Variants in CADPS observed in about 807,000 individuals in gnomAD.
The protein encoded by CADPS is calcium dependent secretion activator, also known as calcium-dependent secretion activator 1.
A neutral mutation model predicts 167.3 loss-of-function variants in CADPS; 57 were observed. The observed-to-expected ratio is 0.34, with a 90% CI of 0.28 to 0.42. CADPS has a LOEUF of 0.42. Among genes scored for constraint, CADPS ranks in the 20% least tolerant of loss-of-function variants. The pLI is 1.00. For synonymous variants in CADPS, 676 were observed against 635.3 expected (o/e 1.06, Z -0.96); for missense variants, 1,414 against 1,738.1 (o/e 0.81, Z 3.32).
intron 3 of CADPS, among the ~76,000 whole-genome samples, chr3:62,733,155 A>G (rs2078260195): frequency 2.0e-5 from 3 of 152,140 alleles, no homozygotes; most frequent in Admixed American, 2.0e-4. Context: ...CTCTAACCTA[A>G]CTCATTACTC....
chr3:62,563,259 A>G (rs2079507436), intron 9 of CADPS, among the ~76,000 whole-genome samples: 2 of 152,192 alleles, frequency 1.3e-5, no homozygotes, highest in South Asian at 4.1e-4. Flanking sequence ...GCAAAAACAA[A>G]CATTTGGAGT....
At chr3:62,691,063 A>C (rs1467751884) in intron 3 of CADPS, among the ~76,000 whole-genome samples, 1 of 152,034 alleles carries the variant, frequency 6.6e-6, no homozygotes. Context: ...TGAGTGAGGA[A>C]AGCCAATCTG....
chr3:62,652,475 T>C (rs962117198), intron 4 of CADPS, among the ~76,000 whole-genome samples: 1 of 151,878 alleles, frequency 6.6e-6, no homozygotes, highest in African/African-American at 2.4e-5. Context: ...ACTAATTTTA[T>C]TAGTGCCCTG....
Position 62,651,063 on chromosome 3 carries a change from C to G in CADPS, c.987G>C (p.Lys329Asn). ...DQIARERKFP[K>N]FVSKEMENMY... is the part of the protein sequence containing the mutation. ...TGTTTTCCATTTCTTTGGATACAAA[C>G]TTGGGAAATTTGCGTTCCTTGGGAA... is the stretch of plus-strand genomic sequence containing the variant. The change falls in exon 5 of 30, where the codon AAG becomes AAC. Residue 329 changes from lysine to asparagine, a missense_variant. Physicochemically the swap from Lys to Asn is moderately conservative, Grantham distance 94. This residue lies in a region of CADPS where 522 missense variants were observed against 559.5 expected (regional missense o/e 0.93). Coordinates refer to ENST00000383710, the MANE Select transcript of CADPS (RefSeq NM_003716.4). 1 of 1,613,370 alleles carries G rather than the reference C, an allele frequency of 6.2e-7. No individual in the cohort carries two copies. Among genetic ancestry groups the G allele is most frequent in the East Asian group, 2.2e-5 (1 of 44,858 alleles).
chr3:62,479,423 C>T (rs2061699822), intron 22 of CADPS, among the ~76,000 whole-genome samples: 1 of 152,254 alleles, frequency 6.6e-6, no homozygotes, highest in African/African-American at 2.4e-5. Context: ...ATGTCCAACA[C>T]ACCATGCATT....
At chr3:62,542,880 A>T (rs568391596) in intron 11 of CADPS, among the ~76,000 whole-genome samples, 1 of 152,328 alleles carries the variant, frequency 6.6e-6, no homozygotes, top group African/African-American at 2.4e-5. Context: ...AAATGATTTT[A>T]GTTTTCTCCT....
chr3:62,727,528 C>A (rs1385091775), intron 3 of CADPS, among the ~76,000 whole-genome samples: 1 of 151,850 alleles, frequency 6.6e-6, no homozygotes, highest in African/African-American at 2.4e-5. Context: ...AAATGGGTAG[C>A]CTCTTCAACA....
intron 3 of CADPS, among the ~76,000 whole-genome samples, chr3:62,664,822 C>G (rs1299087342): frequency 6.6e-6 from 1 of 152,180 alleles, no homozygotes; most frequent in Non-Finnish European, 1.5e-5. Context: ...TTGGGTTCTC[C>G]CACTGGCTTC....
At chr3:62,730,107 T>G (rs1033943426) in intron 3 of CADPS, among the ~76,000 whole-genome samples, 3 of 149,800 alleles carry the variant, frequency 2.0e-5, no homozygotes, top group African/African-American at 7.7e-5. Flanking sequence ...ATCCGTGAAG[T>G]AGAGTCCTTC....
intron 1 of CADPS, among the ~76,000 whole-genome samples, chr3:62,787,796 A>G (rs1024623617): frequency 3.3e-5 from 5 of 152,228 alleles, no homozygotes; most frequent in African/African-American, 1.2e-4. Context: ...TAGTAACTGC[A>G]TGACTATTAT....
chr3:62,755,374 T>C (rs1024733300), intron 2 of CADPS, among the ~76,000 whole-genome samples: 13 of 152,170 alleles, frequency 8.5e-5, no homozygotes, highest in Non-Finnish European at 1.5e-4. Flanking sequence ...TGGGGTGTAA[T>C]ACAAGGCAGT....
At chr3:62,806,159 G>T (rs542972292) in intron 1 of CADPS, among the ~76,000 whole-genome samples, 26 of 152,296 alleles carry the variant, frequency 1.7e-4, no homozygotes, top group African/African-American at 5.8e-4. Flanking sequence ...AATAAAGGAT[G>T]AGAGCCTAAC....
chr3:62,501,887 G>A (rs2065829873), intron 17 of CADPS, among the ~76,000 whole-genome samples: 1 of 152,192 alleles, frequency 6.6e-6, no homozygotes, highest in Admixed American at 6.5e-5. Context: ...TGTGCATGCA[G>A]CCATTCTATG....
intron 6 of CADPS, among the ~76,000 whole-genome samples, chr3:62,611,037 G>T (rs2061434204): frequency 6.6e-6 from 1 of 152,058 alleles, no homozygotes; most frequent in African/African-American, 2.4e-5. Context: ...ATCCTACAGG[G>T]CAGTCCCCAC....
intron 2 of CADPS, among the ~76,000 whole-genome samples, chr3:62,756,925 G>T (rs2084067246): frequency 1.3e-5 from 2 of 152,112 alleles, no homozygotes; most frequent in South Asian, 4.2e-4. Context: ...GAGGAGGAGG[G>T]GATTAGGGTT....
intron 1 of CADPS, among the ~76,000 whole-genome samples, chr3:62,774,079 C>A (rs714387): frequency 6.6e-6 from 1 of 151,788 alleles, no homozygotes; most frequent in South Asian, 2.1e-4. Flanking sequence ...AATTATCTAG[C>A]AGAAGAGGAA....
In CADPS at chr3:62,701,562, T is replaced by C. The variant is rs529267483; in HGVS notation, c.889-39168A>G. On this transcript the variant is annotated intron_variant, in intron 3 of 29. Transcript: ENST00000383710. Reference sequence around the variant, plus strand: ...AGGCAGAGGTTGCAGTGAGCCGAGATTGCACAACTGCACTCCAGCCTGGTG... The same window carrying C: ...AGGCAGAGGTTGCAGTGAGCCGAGACTGCACAACTGCACTCCAGCCTGGTG... Among the ~76,000 whole-genome samples, 313 of 146,796 alleles carry C rather than the reference T, an allele frequency of 2.1e-3. 2 individuals are homozygous for C. The highest frequency in any genetic ancestry group is 3.7e-3 in the Non-Finnish European group (247 of 67,366).
chr3:62,629,757 G>GTTTTTTTTTTTTTTTTTT (rs55956118), intron 6 of CADPS, among the ~76,000 whole-genome samples: 9 of 145,666 alleles, frequency 6.2e-5, no homozygotes, highest in East Asian at 2.0e-4. Context: ...CTCTGGTACA[G>GTTTTTTTTTTTTTTTTTT]TTTTTTTTTT....
chr3:62,491,535 CAACACACACACACACACACACA>C (rs1463963426), intron 20 of CADPS, 55 bp from the exon 21 acceptor site: 13 of 1,113,556 alleles, frequency 1.2e-5, no homozygotes, highest in East Asian at 2.5e-5. Flanking sequence ...TATCAACGTA[CAACACACACACACACACACACA>C]AACACACACA....
Sources: gnomAD v4.1 joint callset for allele counts (sites outside exome capture counted in the v4.1 genomes callset) on GRCh38, gnomAD v4.1.1 for gene constraint, gnomAD v4.1.1 regional missense constraint, MANE v1.5 for transcripts, NCBI Gene and HGNC (gene_info 2026-07-23, HGNC 2026-07-21) for gene names.